Variants in AUTS2 observed in about 807,000 individuals in gnomAD.
The protein encoded by AUTS2 is autism susceptibility gene 2 protein.
AUTS2 carries 17 observed loss-of-function variants against 112.4 expected under a neutral mutation model. The observed-to-expected ratio is 0.15, with a 90% CI of 0.10 to 0.23. The LOEUF (loss-of-function observed/expected upper bound fraction) is 0.23, where lower values mean the gene tolerates loss of function less well. Ranked by LOEUF, AUTS2 falls within the 10% of genes least tolerant of loss-of-function variation. The pLI, the probability that AUTS2 is intolerant of heterozygous loss-of-function variation, is 1.00. For synonymous variants in AUTS2, 751 were observed against 702.7 expected, an observed-to-expected ratio of 1.07 and a Z score of -1.09; for missense variants, 1,510 against 1,701.6, an observed-to-expected ratio of 0.89 and a Z score of 1.98.
At chr7:70,463,761 C>T (rs956545279) in intron 5 of AUTS2, among the ~76,000 whole-genome samples, 1 of 152,186 alleles carries the variant, frequency 6.6e-6, no homozygotes, top group Admixed American at 6.5e-5. Flanking sequence ...TAATTAATCT[C>T]ATTGTGCTAG....
At chr7:70,520,026 A>T (rs1244549299) in intron 5 of AUTS2, among the ~76,000 whole-genome samples, 2 of 152,128 alleles carry the variant, frequency 1.3e-5, no homozygotes, top group Non-Finnish European at 2.9e-5. Flanking sequence ...CAGATATGTG[A>T]TTTCCAGATG....
chr7:69,861,465 A>G (rs1792980354), intron 1 of AUTS2, among the ~76,000 whole-genome samples: 2 of 152,180 alleles, frequency 1.3e-5, no homozygotes, highest in African/African-American at 4.8e-5. Context: ...AAGGTTAAGT[A>G]AGCATCTTGA....
chr7:70,698,386 T>C (rs1455933979), intron 5 of AUTS2, among the ~76,000 whole-genome samples, 183 bp from the exon 6 acceptor site: 2 of 152,184 alleles, frequency 1.3e-5, no homozygotes, highest in East Asian at 3.9e-4. Flanking sequence ...AGCAAATAGC[T>C]GCACTGCAGG....
intron 5 of AUTS2, among the ~76,000 whole-genome samples, chr7:70,442,175 C>G (rs576992469): frequency 1.3e-5 from 2 of 152,260 alleles, no homozygotes; most frequent in South Asian, 4.2e-4. Context: ...GTCTTTATAT[C>G]CCTAATACTT....
At chr7:69,815,929 C>T (rs1790742160) in intron 1 of AUTS2, among the ~76,000 whole-genome samples, 1 of 152,156 alleles carries the variant, frequency 6.6e-6, no homozygotes, top group South Asian at 2.1e-4. Flanking sequence ...CTCTAAGAGG[C>T]CTGTATCATT....
chr7:70,572,165 G>A (rs71549364), intron 5 of AUTS2, among the ~76,000 whole-genome samples: 8,707 of 152,150 alleles, frequency 0.057, 280 homozygotes, highest in Middle Eastern at 0.11. Context: ...GAACAGAGGC[G>A]GTGCTAGCAG....
rs67123941 is a variant in AUTS2, at chr7:70,621,838, C to CTTTTTTTT, written c.691-76711_691-76704dup. On this transcript the variant is annotated intron_variant, in intron 5 of 18. Coordinates refer to ENST00000342771, the MANE Select transcript of AUTS2 (RefSeq NM_015570.4). ...GCTTACGTTAGTGCATAGTCATTCT[C>CTTTTTTTT]TTTTTTTTTTTTTTTTTTTTTTTTT... Among the ~76,000 whole-genome samples, 101 of 66,814 alleles carry CTTTTTTTT rather than the reference C, an allele frequency of 1.5e-3. 24 individuals are homozygous for CTTTTTTTT. Among genetic ancestry groups the CTTTTTTTT allele is most frequent in the East Asian group, 0.012 (25 of 2,014 alleles). 43.8% of individuals were successfully genotyped at this position (66,814 alleles called of 152,430 possible). A position where few individuals can be genotyped will look rare whatever the true frequency, so the allele number is the denominator to read the frequency against.
intron 6 of AUTS2, among the ~76,000 whole-genome samples, chr7:70,757,862 C>G (rs1789319272): frequency 1.7e-5 from 2 of 114,818 alleles, no homozygotes; most frequent in African/African-American, 3.6e-5. Flanking sequence ...GTCACTCAGG[C>G]TTGAGCGTAA....
chr7:70,373,366 C>G (rs1227340025), intron 4 of AUTS2, among the ~76,000 whole-genome samples: 3 of 152,166 alleles, frequency 2.0e-5, no homozygotes, highest in Non-Finnish European at 4.4e-5. Flanking sequence ...ATGACTCCCT[C>G]TTGGTTTCTG....
intron 1 of AUTS2, among the ~76,000 whole-genome samples, chr7:69,745,155 CA>C (rs969868393): frequency 2.0e-5 from 3 of 152,086 alleles, no homozygotes; most frequent in Non-Finnish European, 2.9e-5. Flanking sequence ...TCCGGCTGAC[CA>C]AAAAACCACC....
Position 70,430,936 on chromosome 7 carries a change from C to T in AUTS2, c.661-4816C>T, listed in dbSNP as rs1033367413. ...CTGCAAGCTCCGCCTCCCGGGTTCG[C>T]GCCATTCTCCTGCCTCAGCCTCCCA... is the stretch of plus-strand genomic sequence containing the variant. On this transcript the variant is annotated intron_variant, in intron 4 of 18. Transcript: ENST00000342771. 7.5e-4 allele frequency among the ~76,000 whole-genome samples: 112 copies of T among 149,632 alleles called. 1 individual carries two copies. Among genetic ancestry groups the T allele is most frequent in the African/African-American group, 2.3e-3 (92 of 40,602 alleles).
chr7:69,850,021 G>A (rs894361689), intron 1 of AUTS2, among the ~76,000 whole-genome samples: 10 of 151,988 alleles, frequency 6.6e-5, no homozygotes, highest in South Asian at 2.1e-4. Flanking sequence ...TTGGCTGGGC[G>A]CGGTGGCTCA....
chr7:70,192,471 T>C (rs1267467744), intron 4 of AUTS2, among the ~76,000 whole-genome samples: 2 of 152,236 alleles, frequency 1.3e-5, no homozygotes, highest in Non-Finnish European at 2.9e-5. Flanking sequence ...CAAACAAGTC[T>C]GTATTTAATA....
At chr7:70,376,708 T>C (rs952085112) in intron 4 of AUTS2, among the ~76,000 whole-genome samples, 4 of 149,994 alleles carry the variant, frequency 2.7e-5, no homozygotes, top group African/African-American at 9.9e-5. Context: ...AACCTGTTCA[T>C]TTAGTGCTAT....
At chr7:70,435,090 A>G (rs1484682997) in intron 4 of AUTS2, among the ~76,000 whole-genome samples, 1 of 152,052 alleles carries the variant, frequency 6.6e-6, no homozygotes, top group Admixed American at 6.6e-5. Context: ...CCTAAAGCAT[A>G]CTTTTTTGCC....
At chr7:70,183,991 TG>T (rs1809469599) in intron 4 of AUTS2, among the ~76,000 whole-genome samples, 1 of 152,120 alleles carries the variant, frequency 6.6e-6, no homozygotes, top group Admixed American at 6.5e-5. Context: ...GATTTATTGA[TG>T]GGGAGGTATC....
At chr7:69,653,782 C>T (rs999572580) in intron 1 of AUTS2, among the ~76,000 whole-genome samples, 1 of 151,982 alleles carries the variant, frequency 6.6e-6, no homozygotes, top group Admixed American at 6.6e-5. Flanking sequence ...TACTTGTGTC[C>T]TTTACTTCTA....
intron 1 of AUTS2, among the ~76,000 whole-genome samples, chr7:69,892,356 C>A (rs1340797233): frequency 6.6e-6 from 1 of 150,620 alleles, no homozygotes; most frequent in East Asian, 2.0e-4. Flanking sequence ...ATTGACCAGG[C>A]TGGTCTCGAA....
At chr7:70,458,351 G>A (rs1381935159) in intron 5 of AUTS2, among the ~76,000 whole-genome samples, 1 of 152,122 alleles carries the variant, frequency 6.6e-6, no homozygotes, top group African/African-American at 2.4e-5. Context: ...AGAGCATTGC[G>A]CCTGGCTCCC....
Sources: gnomAD v4.1 joint callset for allele counts (sites outside exome capture counted in the v4.1 genomes callset) on GRCh38, gnomAD v4.1.1 for gene constraint, MANE v1.5 for transcripts, NCBI Gene and HGNC (gene_info 2026-07-23, HGNC 2026-07-21) for gene names.